Variants in SAMD7 observed in about 807,000 individuals in gnomAD.
SAMD7 encodes sterile alpha motif domain containing 7, also known as sterile alpha motif domain-containing protein 7.
A neutral mutation model predicts 36.7 loss-of-function variants in SAMD7; 34 were observed. The observed-to-expected ratio is 0.93, with a 90% confidence interval of 0.71 to 1.23. The LOEUF is 1.23. SAMD7 is among the 50% of genes most tolerant of loss of function. The pLI is 0.00. For synonymous variants in SAMD7, 188 were observed against 189.7 expected, an observed-to-expected ratio of 0.99 and a Z score of 0.07; for missense variants, 570 against 546.6, an observed-to-expected ratio of 1.04 and a Z score of -0.43.
At chr3:169,922,829 G>A (rs909029369) in intron 4 of SAMD7, among the ~76,000 whole-genome samples, 25 of 146,832 alleles carry the variant, frequency 1.7e-4, no homozygotes, top group African/African-American at 6.1e-4. Flanking sequence ...TCAGATTTAC[G>A]ATCATTTTAC....
intron 3 of SAMD7, among the ~76,000 whole-genome samples, 168 bp downstream of exon 3, chr3:169,919,752 G>C (rs543653361): frequency 6.6e-6 from 1 of 152,356 alleles, no homozygotes; most frequent in African/African-American, 2.4e-5. Flanking sequence ...CAAGACATCT[G>C]CTGTCATTTC....
intron 5 of SAMD7, 69 bp downstream of exon 5, chr3:169,925,205 C>G: frequency 1.0e-6 from 1 of 975,020 alleles, no homozygotes; most frequent in Non-Finnish European, 1.6e-6. Flanking sequence ...TTGTTATCTT[C>G]ATATAACAAA....
chr3:169,919,631 A>G (rs1457765569), intron 3 of SAMD7, 47 bp downstream of exon 3: 10 of 1,378,064 alleles, frequency 7.3e-6, no homozygotes, highest in Middle Eastern at 1.8e-4. Context: ...AACATGGACA[A>G]TCATTACGTT....
At chr3:169,930,255 C>T (rs867234181) in intron 7 of SAMD7, among the ~76,000 whole-genome samples, 1 of 152,186 alleles carries the variant, frequency 6.6e-6, no homozygotes, top group Non-Finnish European at 1.5e-5. Context: ...AGGATGTCAG[C>T]GCCCTCTTCC....
chr3:169,919,609 T>G (rs768941099), intron 3 of SAMD7, 25 bp downstream of exon 3: 1 of 1,512,162 alleles, frequency 6.6e-7, no homozygotes, highest in Non-Finnish European at 9.2e-7. Flanking sequence ...TATAATAGTT[T>G]GATCAAAGAA....
intron 7 of SAMD7, chr3:169,933,133 A>G (rs1169816161): frequency 1.3e-6 from 1 of 793,506 alleles, no homozygotes; most frequent in Non-Finnish European, 2.3e-6. Context: ...GACGCCATGG[A>G]CCAGTGGCTC....
intron 7 of SAMD7, chr3:169,933,193 A>G (rs767058575): frequency 1.4e-6 from 1 of 703,326 alleles, no homozygotes; most frequent in Admixed American, 1.9e-5. Flanking sequence ...TTTGGGATGG[A>G]CACTGTATGG....
intron 7 of SAMD7, chr3:169,932,657 G>A: frequency 3.6e-6 from 2 of 553,588 alleles, no homozygotes; most frequent in South Asian, 1.4e-5. Flanking sequence ...AGACACAATG[G>A]AAAAATCTGT....
intron 7 of SAMD7, among the ~76,000 whole-genome samples, chr3:169,936,041 T>C (rs1713701833): frequency 6.6e-6 from 1 of 152,230 alleles, no homozygotes; most frequent in Non-Finnish European, 1.5e-5. Context: ...TGCCAGCCTC[T>C]GTATTAGGGG....
At chr3:169,924,949 G>GTTT in intron 4 of SAMD7, 109 bp from the exon 5 acceptor site, 20 of 570,766 alleles carry the variant, frequency 3.5e-5, no homozygotes, top group South Asian at 5.3e-5. Flanking sequence ...TTGCTGGTTT[G>GTTT]TTTTTTTTTT....
chr3:169,933,031 G>A (rs145448642), intron 7 of SAMD7: 38 of 802,636 alleles, frequency 4.7e-5, no homozygotes, highest in Middle Eastern at 2.5e-4. Flanking sequence ...TGGAACAGAC[G>A]GAACTACCTA....
In SAMD7 at chr3:169,919,643, T is replaced by C. The variant is rs553319464; in HGVS notation, c.86+59T>C. 67 of 1,291,700 alleles carry C rather than the reference T, an allele frequency of 5.2e-5. No homozygotes were observed. The East Asian group carries it at 1.4e-3, about 28-fold the overall frequency. 80.0% of individuals were successfully genotyped at this position (1,291,700 alleles called of 1,614,324 possible). A position where few individuals can be genotyped will look rare whatever the true frequency, so the allele number is the denominator to read the frequency against. On this transcript the variant is annotated intron_variant, in intron 3 of 8. Transcript: ENST00000335556. ...AACAACATGGACAATCATTACGTTT[T>C]GGAATGATGTTAAGTCTAGTGTTGT...
Position 169,938,609 on chromosome 3 carries a change from G to A in SAMD7, c.*103G>A, listed in dbSNP as rs1713811033. On this transcript the variant is annotated 3_prime_UTR_variant, in exon 9 of 9. Transcript: ENST00000335556. ...CCCAGTACTGGATGGAGAATGAGAAGAGAAAGTCAGCCTTTCTGGGGCTTT... is the reference window on the plus strand; with the variant it reads ...CCCAGTACTGGATGGAGAATGAGAAAAGAAAGTCAGCCTTTCTGGGGCTTT... 1.3e-6 allele frequency: 1 copy of A among 757,922 alleles called. No homozygotes were observed. Among genetic ancestry groups the A allele is most frequent in the African/African-American group, 1.8e-5 (1 of 56,220 alleles). The allele number at this position is 757,922 out of a possible 1,614,324, so 46.9% of individuals were successfully genotyped here. A position where few individuals can be genotyped will look rare whatever the true frequency, so the allele number is the denominator to read the frequency against.
chr3:169,918,369 C>T (rs560629440), intron 2 of SAMD7, among the ~76,000 whole-genome samples: 18 of 152,150 alleles, frequency 1.2e-4, no homozygotes, highest in Admixed American at 2.6e-4. Flanking sequence ...CTCCCTTCCC[C>T]CTTCCACCCC....
At chr3:169,930,549 C>T (rs1713441587) in intron 7 of SAMD7, among the ~76,000 whole-genome samples, 1 of 149,226 alleles carries the variant, frequency 6.7e-6, no homozygotes, top group Non-Finnish European at 1.5e-5. Context: ...TCAGGTGTTA[C>T]TCATTGTTAC....
intron 7 of SAMD7, among the ~76,000 whole-genome samples, chr3:169,929,877 A>G (rs1305507675): frequency 6.6e-6 from 1 of 152,194 alleles, no homozygotes; most frequent in African/African-American, 2.4e-5. Context: ...TCCCTGTTCA[A>G]TGGTTATAAC....
rs572886917 is a variant in SAMD7 at position 169,928,825 on chromosome 3, C to A, written c.1041+247C>A. Among the ~76,000 whole-genome samples, 10 of 152,176 alleles carry A rather than the reference C, an allele frequency of 6.6e-5. No homozygotes were observed. In the East Asian group the frequency reaches 1.9e-3, roughly 29 times the overall value. Reference sequence around the variant, plus strand: ...TTTAGCTTCTTTCCTATCAAGACTCCTAAGAAGTAGGAATTCTCCCAAAAT... The same window carrying A: ...TTTAGCTTCTTTCCTATCAAGACTCATAAGAAGTAGGAATTCTCCCAAAAT... On this transcript the variant is annotated intron_variant, in intron 7 of 8. Transcript: ENST00000335556.
In SAMD7 at chr3:169,931,595, C is replaced by G. The variant is rs188102254; in HGVS notation, c.1041+3017C>G. Among the ~76,000 whole-genome samples the G allele has an allele frequency of 4.5e-3, 682 of 152,272 alleles. 8 individuals are homozygous for G. Among genetic ancestry groups the G allele is most frequent in the African/African-American group, 0.015 (632 of 41,530 alleles). On this transcript the variant is annotated intron_variant, in intron 7 of 8. Transcript: ENST00000335556. ...TTAGCCTCCCAAGTAACTGAGATTA[C>G]AGATGTGAGCCACCGCACCTGGCTC...
At chr3:169,929,339 T>C (rs1450815858) in intron 7 of SAMD7, among the ~76,000 whole-genome samples, 2 of 152,144 alleles carry the variant, frequency 1.3e-5, no homozygotes, top group Non-Finnish European at 2.9e-5. Flanking sequence ...TTGGTTTGCA[T>C]GTTAAAGGAA....
Sources: allele counts gnomAD v4.1 joint callset (sites outside exome capture counted in the v4.1 genomes callset), GRCh38; gene constraint gnomAD v4.1.1; transcripts MANE v1.5; gene names NCBI Gene and HGNC (gene_info 2026-07-23, HGNC 2026-07-21).